Variants in RP1 observed in about 807,000 individuals in gnomAD.
RP1 encodes oxygen-regulated protein 1.
Under a neutral mutation model 14.8 loss-of-function variants are expected in RP1, and 16 were observed. That is an observed-to-expected ratio of 1.08 (90% CI 0.73 to 1.65). The LOEUF (loss-of-function observed/expected upper bound fraction) is 1.65, where lower values mean the gene tolerates loss of function less well. Ranked by LOEUF, RP1 falls within the 40% of genes most tolerant of loss-of-function variation. The pLI is 0.00. For missense variants in RP1, 2,631 were observed against 2,535.0 expected, an observed-to-expected ratio of 1.04 and a Z score of -0.81; for synonymous variants, 876 against 883.6, an observed-to-expected ratio of 0.99 and a Z score of 0.15.
chr8:54,783,574 C>G (rs1211789562), exon 24 of RP1: 2 of 1,231,526 alleles, frequency 1.6e-6, no homozygotes, highest in African/African-American at 3.1e-5. Flanking sequence ...ACCATTGTCA[C>G]TGGGGATCTT....
At chr8:54,665,191 T>G (rs1489532062) in intron 7 of RP1, among the ~76,000 whole-genome samples, 3 of 152,176 alleles carry the variant, frequency 2.0e-5, no homozygotes, top group Admixed American at 2.0e-4. Context: ...TAGTTCCATT[T>G]CTGGAAATTA....
chr8:54,700,433 A>G (rs546772054), intron 13 of RP1, among the ~76,000 whole-genome samples: 96 of 152,146 alleles, frequency 6.3e-4, no homozygotes, highest in Non-Finnish European at 1.1e-3. Flanking sequence ...GTGTATTTGT[A>G]TGCCTGAAAT....
intron 12 of RP1, chr8:54,696,285 A>G (rs1036229462): frequency 2.4e-6 from 1 of 409,774 alleles, no homozygotes; most frequent in Non-Finnish European, 4.3e-6. Context: ...CATTTGGTAT[A>G]TATTGACTAA....
intron 1 of RP1, among the ~76,000 whole-genome samples, chr8:54,570,547 C>T (rs1464711345): frequency 2.6e-5 from 4 of 151,614 alleles, no homozygotes; most frequent in East Asian, 1.9e-4. Context: ...CAGGCTGTCT[C>T]GAACTCCTGA....
At chr8:54,783,854 C>A in intron 24 of RP1, 1 of 468,304 alleles carries the variant, frequency 2.1e-6, no homozygotes, top group Non-Finnish European at 3.4e-6. Flanking sequence ...TGTTTTATCC[C>A]ATGGGAGCTG....
intron 12 of RP1, among the ~76,000 whole-genome samples, chr8:54,682,832 G>T (rs1341678475): frequency 6.6e-6 from 1 of 152,102 alleles, no homozygotes; most frequent in East Asian, 1.9e-4. Context: ...TTTTTCTTTT[G>T]TTGAAATTGC....
chr8:54,647,686 T>G (rs1346959472), intron 3 of RP1, among the ~76,000 whole-genome samples: 2 of 152,110 alleles, frequency 1.3e-5, no homozygotes, highest in Non-Finnish European at 2.9e-5. Context: ...ACTTTTGTTT[T>G]ATTCCTTTTT....
At chr8:54,624,577 T>C (rs1805973542) in intron 3 of RP1, 93 bp from the exon 4 acceptor site, 1 of 1,260,788 alleles carries the variant, frequency 7.9e-7, no homozygotes, top group Admixed American at 1.8e-5. Context: ...TCTCTTTCTT[T>C]TTTTGCTGCC....
intron 24 of RP1, among the ~76,000 whole-genome samples, chr8:54,808,860 C>G (rs1273514120): frequency 3.3e-5 from 5 of 152,142 alleles, no homozygotes. Flanking sequence ...GGCCACACCC[C>G]GTTCTACCTA....
Position 54,628,224 on chromosome 8 carries a change from C to T in RP1, c.4342C>T (p.Pro1448Ser). 1 of 1,613,956 alleles carries T rather than the reference C, an allele frequency of 6.2e-7. No individual in the cohort carries two copies. The highest frequency in any genetic ancestry group is 8.5e-7 in the Non-Finnish European group (1 of 1,179,920). ...DMEEPRTSEEPGSITNSMTSS... is the reference protein window; with the variant it reads ...DMEEPRTSEESGSITNSMTSS... ...GGAAGAACCACGGACTTCTGAAGAA[C>T]CAGGCTCAATAACCAACAGCATGAC... The change falls in exon 4 of 4, where the codon CCA becomes TCA. Residue 1448 changes from proline to serine, a missense_variant. By Grantham distance (74) the Pro-to-Ser change is moderately conservative. Transcript: ENST00000220676.
At chr8:54,649,013 C>T (rs1806603776) in exon 4 of RP1, 2 of 1,519,440 alleles carry the variant, frequency 1.3e-6, no homozygotes, top group Non-Finnish European at 1.8e-6. Context: ...TTATAATCAC[C>T]AGTGACTTGC....
chr8:54,615,604 T>C (rs1353069727), upstream of RP1, among the ~76,000 whole-genome samples: 1 of 152,208 alleles, frequency 6.6e-6, no homozygotes, highest in African/African-American at 2.4e-5. Flanking sequence ...CTGTTTGTCC[T>C]GCGTTATGCT....
chr8:54,854,103 T>G (rs547009350), intron 26 of RP1, among the ~76,000 whole-genome samples: 1 of 152,296 alleles, frequency 6.6e-6, no homozygotes, highest in Non-Finnish European at 1.5e-5. Context: ...TCTGCAGTTT[T>G]AATGTAATAT....
rs769512989 is a variant in RP1, at chr8:54,629,843, T to TA, written c.5962dup (p.Ile1988AsnfsTer3). On this transcript the variant is annotated frameshift_variant, in exon 4 of 4. Coordinates refer to ENST00000220676, the MANE Select transcript of RP1 (RefSeq NM_006269.2). LOFTEE classifies it low-confidence loss of function (END_TRUNC). ...ATCTTATTGATAATGCCATTGGTGA[T>TA]ATATTTGATCAGTTTTATTTCAGTA... The TA allele has an allele frequency of 9.9e-6, 16 of 1,613,626 alleles. No homozygotes were observed. The highest frequency in any genetic ancestry group is 1.4e-5 in the Non-Finnish European group (16 of 1,179,876).
intron 12 of RP1, among the ~76,000 whole-genome samples, chr8:54,694,795 A>G (rs1807815246): frequency 6.6e-6 from 1 of 152,064 alleles, no homozygotes; most frequent in South Asian, 2.1e-4. Context: ...AATTTTTTAT[A>G]GGGTTTTTTG....
Position 54,630,211 on chromosome 8 carries a change from A to G in RP1, c.6329A>G (p.Gln2110Arg), listed in dbSNP as rs1365939547. 3.1e-6 allele frequency: 5 copies of G among 1,613,712 alleles called. No homozygotes were observed. Among genetic ancestry groups the G allele is most frequent in the Non-Finnish European group, 4.2e-6 (5 of 1,179,928 alleles). The change falls in exon 4 of 4, where the codon CAA (glutamine) becomes CGA (arginine). Residue 2110 changes from glutamine to arginine, a missense_variant. By Grantham distance (43) the Gln-to-Arg change is conservative. Coordinates refer to ENST00000220676, the MANE Select transcript of RP1 (RefSeq NM_006269.2). ...LGQACLLDICQVETSLNISNR... is the reference protein window; with the variant it reads ...LGQACLLDICRVETSLNISNR... ...CAAGCTTGCCTCTTAGATATTTGCC[A>G]AGTTGAGACCTCCTTAAATATTAGC...
intron 24 of RP1, among the ~76,000 whole-genome samples, chr8:54,828,673 T>G (rs1811443870): frequency 6.6e-6 from 1 of 152,084 alleles, no homozygotes; most frequent in Admixed American, 6.6e-5. Context: ...ACATTATCAT[T>G]ATCAAGTATG....
intron 12 of RP1, among the ~76,000 whole-genome samples, chr8:54,683,440 G>T (rs1394834296): frequency 6.6e-6 from 1 of 152,104 alleles, no homozygotes; most frequent in East Asian, 1.9e-4. Flanking sequence ...TGTGAGCATG[G>T]ACTGTTTCTC....
chr8:54,775,742 A>G (rs1239114825), intron 23 of RP1, among the ~76,000 whole-genome samples: 1 of 152,248 alleles, frequency 6.6e-6, no homozygotes, highest in Non-Finnish European at 1.5e-5. Context: ...TTATGCAGGA[A>G]TAGATCATGG....
Sources: allele counts gnomAD v4.1 joint callset (sites outside exome capture counted in the v4.1 genomes callset), GRCh38; gene constraint gnomAD v4.1.1; transcripts MANE v1.5; gene names NCBI Gene and HGNC (gene_info 2026-07-23, HGNC 2026-07-21).